The following GRIK1 variants were observed in gnomAD, a reference collection of about 807,000 sequenced individuals.
GRIK1 encodes glutamate ionotropic receptor kainate type subunit 1.
In GRIK1, 69 loss-of-function variants were observed where a neutral mutation model predicts 105.7. The observed-to-expected ratio is 0.65, with a 90% CI of 0.54 to 0.80. GRIK1 has a LOEUF of 0.80. Among genes scored for constraint, GRIK1 ranks in the 30% least tolerant of loss-of-function variants. GRIK1 has a pLI of 0.00. For synonymous variants in GRIK1, 438 were observed against 431.3 expected, an observed-to-expected ratio of 1.02 and a Z score of -0.19; for missense variants, 1,109 against 1,167.3, an observed-to-expected ratio of 0.95 and a Z score of 0.73.
intron 7 of GRIK1, among the ~76,000 whole-genome samples, chr21:29,638,153 AT>A (rs138627896): frequency 8.0e-5 from 12 of 150,288 alleles, no homozygotes; most frequent in Admixed American, 1.3e-4. Context: ...CATGGTAGAC[AT>A]TTTTTTTTTA....
chr21:29,728,867 G>A (rs1428436244), intron 1 of GRIK1, among the ~76,000 whole-genome samples: 1 of 152,140 alleles, frequency 6.6e-6, no homozygotes, highest in Non-Finnish European at 1.5e-5. Context: ...AAAACTAGAA[G>A]GATTAAGTAA....
rs73348579 is a variant in GRIK1, at chr21:29,590,412, C to G, written c.1365+700G>C. Among the ~76,000 whole-genome samples, 1,325 of 152,232 alleles carry G rather than the reference C, an allele frequency of 8.7e-3. 26 individuals are homozygous for G. The highest frequency in any genetic ancestry group is 0.03 in the African/African-American group (1,263 of 41,516). On this transcript the variant is annotated intron_variant, in intron 10 of 17. Transcript: ENST00000327783. Reference sequence around the variant, plus strand: ...AAGGAAAAAGCGGAAAATAAGCAACCGGTAGCTGTACAGTGGCTGGATGGG... The same window carrying G: ...AAGGAAAAAGCGGAAAATAAGCAACGGGTAGCTGTACAGTGGCTGGATGGG...
At chr21:29,747,910 T>G (rs1193220966) in intron 1 of GRIK1, among the ~76,000 whole-genome samples, 1 of 152,226 alleles carries the variant, frequency 6.6e-6, no homozygotes, top group Non-Finnish European at 1.5e-5. Flanking sequence ...TGTGATTTAA[T>G]GTCAGTCTTT....
chr21:29,761,642 C>A (rs975588571), intron 1 of GRIK1, among the ~76,000 whole-genome samples: 1 of 152,034 alleles, frequency 6.6e-6, no homozygotes, highest in East Asian at 1.9e-4. Flanking sequence ...AAATCAGATT[C>A]TATTTATGCC....
chr21:29,894,754 G>A (rs1002566642), intron 1 of GRIK1, among the ~76,000 whole-genome samples: 36 of 152,220 alleles, frequency 2.4e-4, no homozygotes, highest in Middle Eastern at 3.4e-3. Flanking sequence ...TTTAATCGGC[G>A]GGATGGCCTG....
At chr21:29,652,231 T>C (rs921390185) in intron 5 of GRIK1, among the ~76,000 whole-genome samples, 1 of 152,210 alleles carries the variant, frequency 6.6e-6, no homozygotes, top group African/African-American at 2.4e-5. Flanking sequence ...CCACTGGCAG[T>C]ACCCACTCTT....
chr21:29,936,108 T>C (rs1355312224), intron 1 of GRIK1, among the ~76,000 whole-genome samples: 1 of 152,174 alleles, frequency 6.6e-6, no homozygotes, highest in African/African-American at 2.4e-5. Context: ...CACTCACTCA[T>C]TGATGTATCT....
chr21:29,861,147 G>A (rs777814998), intron 1 of GRIK1, among the ~76,000 whole-genome samples: 6 of 151,690 alleles, frequency 4.0e-5, no homozygotes, highest in East Asian at 2.0e-4. Context: ...CCAATCTCCC[G>A]GTTGTCTATT....
intron 1 of GRIK1, among the ~76,000 whole-genome samples, chr21:29,911,835 C>A (rs143466414): frequency 2.0e-5 from 3 of 152,166 alleles, no homozygotes; most frequent in South Asian, 2.1e-4. Flanking sequence ...GACTTCCCAG[C>A]CTCTAGAACT....
chr21:29,926,298 G>A (rs2071368441), intron 1 of GRIK1, among the ~76,000 whole-genome samples: 1 of 152,078 alleles, frequency 6.6e-6, no homozygotes, highest in South Asian at 2.1e-4. Flanking sequence ...TCTACAACGG[G>A]CACCCTGATT....
intron 1 of GRIK1, among the ~76,000 whole-genome samples, chr21:29,807,028 T>C (rs1445734235): frequency 6.6e-6 from 1 of 152,184 alleles, no homozygotes; most frequent in African/African-American, 2.4e-5. Context: ...TACGACTTGA[T>C]TCAGATACAG....
chr21:29,688,412 C>G (rs546869396), intron 3 of GRIK1, among the ~76,000 whole-genome samples: 106 of 152,222 alleles, frequency 7.0e-4, no homozygotes, highest in African/African-American at 2.1e-3. Context: ...AAAGCGAAAC[C>G]GTATTGCAAA....
chr21:29,749,839 C>T (rs543583340), intron 1 of GRIK1, among the ~76,000 whole-genome samples: 1 of 152,224 alleles, frequency 6.6e-6, no homozygotes, highest in East Asian at 1.9e-4. Context: ...AATTTCTTAT[C>T]TGTATAATAA....
chr21:29,929,684 G>C (rs988310162), intron 1 of GRIK1, among the ~76,000 whole-genome samples: 1 of 152,230 alleles, frequency 6.6e-6, no homozygotes. Context: ...TGGCGAGGAT[G>C]TGGTGAAAAG....
chr21:29,888,201 CT>C (rs1569191683), intron 1 of GRIK1, among the ~76,000 whole-genome samples: 8 of 57,406 alleles, frequency 1.4e-4, no homozygotes, highest in East Asian at 5.3e-4. Context: ...TTCTTTCTCT[CT>C]CTCTCTCTCT....
At chr21:29,724,646 C>A (rs2064407550) in intron 1 of GRIK1, among the ~76,000 whole-genome samples, 1 of 152,112 alleles carries the variant, frequency 6.6e-6, no homozygotes. Context: ...GCTGCATTTG[C>A]ACAGCAATGA....
intron 7 of GRIK1, among the ~76,000 whole-genome samples, chr21:29,628,558 CA>C (rs1412110104): frequency 6.6e-6 from 1 of 152,176 alleles, no homozygotes; most frequent in Non-Finnish European, 1.5e-5. Context: ...TTAGAATACA[CA>C]CCTGGGTTTT....
chr21:29,815,066 A>G (rs1372877884), intron 1 of GRIK1, among the ~76,000 whole-genome samples: 1 of 152,162 alleles, frequency 6.6e-6, no homozygotes, highest in Non-Finnish European at 1.5e-5. Flanking sequence ...TAAGTGGCCA[A>G]TGCATTTTGG....
At chr21:29,701,656 A>G (rs1175028400) in intron 1 of GRIK1, among the ~76,000 whole-genome samples, 2 of 152,196 alleles carry the variant, frequency 1.3e-5, no homozygotes, top group Non-Finnish European at 2.9e-5. Context: ...TGACTTTTGT[A>G]TTAAGAATAG....
Sources: allele counts gnomAD v4.1 joint callset (sites outside exome capture counted in the v4.1 genomes callset), GRCh38; gene constraint gnomAD v4.1.1; transcripts MANE v1.5; gene names NCBI Gene and HGNC (gene_info 2026-07-23, HGNC 2026-07-21).